Variants in FRK observed in about 807,000 individuals in gnomAD.
The protein encoded by FRK is fyn related Src family tyrosine kinase, also known as tyrosine-protein kinase FRK.
Under a neutral mutation model 56.4 loss-of-function variants are expected in FRK, and 51 were observed. The observed-to-expected ratio is 0.90, with a 90% CI of 0.72 to 1.14. FRK has a LOEUF of 1.14. FRK is among the 50% of genes most tolerant of loss of function. FRK has a pLI of 0.00. For synonymous variants in FRK, 245 were observed against 217.9 expected, an observed-to-expected ratio of 1.12 and a Z score of -1.10; for missense variants, 570 against 601.4, an observed-to-expected ratio of 0.95 and a Z score of 0.55.
chr6:115,994,922 G>C (rs1361104843), intron 2 of FRK, among the ~76,000 whole-genome samples: 1 of 152,134 alleles, frequency 6.6e-6, no homozygotes. Flanking sequence ...GCCTAGGGAA[G>C]GGCCAGATCA....
intron 2 of FRK, among the ~76,000 whole-genome samples, chr6:115,993,001 A>G (rs1774676982): frequency 6.6e-6 from 1 of 151,898 alleles, no homozygotes. Context: ...ACTCTAATAA[A>G]TAATATTGTT....
At chr6:116,094,759 A>G in the FRK span, among the ~76,000 whole-genome samples, 2 of 152,178 alleles carry the variant, frequency 1.3e-5, no homozygotes, top group African/African-American at 2.4e-5. Flanking sequence ...AAGAGACAGA[A>G]AGTCAGAGAA....
chr6:116,074,076 G>C, the FRK span, among the ~76,000 whole-genome samples: 30 of 152,182 alleles, frequency 2.0e-4, no homozygotes, highest in African/African-American at 7.2e-4. Context: ...GTGTCTCAGA[G>C]TTAGGTATTT....
Position 115,942,037 on chromosome 6 carries a change from C to A in FRK, c.*377G>T. 5.4e-6 allele frequency: 1 copy of A among 184,446 alleles called. No individual in the cohort carries two copies. Among genetic ancestry groups the A allele is most frequent in the Non-Finnish European group, 1.1e-5 (1 of 87,478 alleles). 11.4% of individuals were successfully genotyped at this position (184,446 alleles called of 1,614,324 possible). ...CAGCAATCTGAGGAATAATGAATAACCACTCTAATCAGTAAACAGGAAAAT... is the reference window on the plus strand; with the variant it reads ...CAGCAATCTGAGGAATAATGAATAAACACTCTAATCAGTAAACAGGAAAAT... On this transcript the variant is annotated 3_prime_UTR_variant, in exon 8 of 8. Transcript: ENST00000606080.
intron 2 of FRK, among the ~76,000 whole-genome samples, chr6:115,993,609 C>T (rs996285327): frequency 6.6e-6 from 1 of 151,840 alleles, no homozygotes; most frequent in Non-Finnish European, 1.5e-5. Context: ...CAAAACTATA[C>T]TTATACCCCA....
rs12110609 is a variant in FRK, at chr6:115,989,524, G to A, written c.466+14353C>T. ...TGTACCCATGGTTTAACTTCCACTT[G>A]TAAGTGAGAACATGTGATAATTGGT... is the stretch of plus-strand genomic sequence containing the variant. On this transcript the variant is annotated intron_variant, in intron 2 of 7. Transcript: ENST00000606080. Among the ~76,000 whole-genome samples the A allele has an allele frequency of 3.1e-3, 476 of 151,816 alleles. 2 individuals carry two copies. The highest frequency in any genetic ancestry group is 0.011 in the African/African-American group (445 of 41,446).
chr6:116,031,016 A>G (rs1018019286), intron 1 of FRK, among the ~76,000 whole-genome samples: 2 of 152,128 alleles, frequency 1.3e-5, no homozygotes, highest in African/African-American at 4.8e-5. Flanking sequence ...TCAGTAACTC[A>G]GATTCTTGGA....
At chr6:116,051,413 A>G (rs1242020340) in intron 1 of FRK, among the ~76,000 whole-genome samples, 1 of 152,162 alleles carries the variant, frequency 6.6e-6, no homozygotes, top group Non-Finnish European at 1.5e-5. Context: ...CAACTAAAAA[A>G]CTTTGTAGAA....
chr6:116,098,127 TA>T, the FRK span, among the ~76,000 whole-genome samples: 646 of 97,196 alleles, frequency 6.6e-3, 105 homozygotes, highest in African/African-American at 0.024. Context: ...TTTTTTTTTT[TA>T]AAAGACAGGG....
chr6:115,945,591 C>T (rs1421771019), intron 5 of FRK, among the ~76,000 whole-genome samples: 1 of 152,014 alleles, frequency 6.6e-6, no homozygotes, highest in Admixed American at 6.6e-5. Flanking sequence ...AGTCATTGAG[C>T]CTATAAAACA....
the FRK span, among the ~76,000 whole-genome samples, chr6:116,086,905 G>T: frequency 6.6e-6 from 1 of 152,188 alleles, no homozygotes; most frequent in Non-Finnish European, 1.5e-5. Context: ...GGAGAAGACT[G>T]ACATGAAAAC....
At chr6:115,991,326 A>C (rs1562274167) in intron 2 of FRK, among the ~76,000 whole-genome samples, 1 of 151,838 alleles carries the variant, frequency 6.6e-6, no homozygotes, top group African/African-American at 2.4e-5. Flanking sequence ...GAGTGGTGAG[A>C]GTGGACATCC....
the FRK span, among the ~76,000 whole-genome samples, chr6:116,078,475 G>A: frequency 1.3e-5 from 2 of 152,292 alleles, no homozygotes; most frequent in African/African-American, 4.8e-5. Context: ...AATAGCTAAT[G>A]TATGTTAAGG....
At chr6:116,030,792 G>A (rs1246141656) in intron 1 of FRK, among the ~76,000 whole-genome samples, 1 of 152,024 alleles carries the variant, frequency 6.6e-6, no homozygotes, top group African/African-American at 2.4e-5. Context: ...AGCCATTTGA[G>A]CAAACTAATC....
chr6:115,956,950 C>T (rs1010864326), intron 4 of FRK, among the ~76,000 whole-genome samples: 1 of 152,156 alleles, frequency 6.6e-6, no homozygotes, highest in Non-Finnish European at 1.5e-5. Context: ...TCTATGAACA[C>T]GAGCGCTGAA....
intron 5 of FRK, among the ~76,000 whole-genome samples, chr6:115,948,382 G>A (rs1772550693): frequency 1.3e-5 from 2 of 152,152 alleles, no homozygotes; most frequent in Admixed American, 6.5e-5. Context: ...CTTATAAGAG[G>A]ACCTGAACCA....
At chr6:115,973,044 C>T (rs1200116057) in intron 2 of FRK, among the ~76,000 whole-genome samples, 1 of 152,170 alleles carries the variant, frequency 6.6e-6, no homozygotes, top group Non-Finnish European at 1.5e-5. Context: ...TTAATGTTTT[C>T]CTTTACATTA....
In FRK at chr6:115,940,955, T is replaced by A. The variant is rs1772148801; in HGVS notation, c.*1459A>T. 6.6e-6 allele frequency: 1 copy of A among 152,216 alleles called. No individual in the cohort carries two copies. The highest frequency in any genetic ancestry group is 1.5e-5 in the Non-Finnish European group (1 of 68,042). The allele number at this position is 152,216 out of a possible 1,614,324, so 9.4% of individuals were successfully genotyped here. On this transcript the variant is annotated 3_prime_UTR_variant, in exon 8 of 8. Transcript: ENST00000606080. ...GGACAGTGTAGCAATTCCTCAAGGATCTAGAACTAGAAATACCATTTGACT... is the reference window on the plus strand; with the variant it reads ...GGACAGTGTAGCAATTCCTCAAGGAACTAGAACTAGAAATACCATTTGACT...
At chr6:115,955,899 G>A (rs966510842) in intron 5 of FRK, among the ~76,000 whole-genome samples, 1 of 152,132 alleles carries the variant, frequency 6.6e-6, no homozygotes, top group African/African-American at 2.4e-5. Flanking sequence ...AGTCTTCTCT[G>A]ACTACAGGAA....
Sources: allele counts gnomAD v4.1 joint callset (sites outside exome capture counted in the v4.1 genomes callset), GRCh38; gene constraint gnomAD v4.1.1; transcripts MANE v1.5; gene names NCBI Gene and HGNC (gene_info 2026-07-23, HGNC 2026-07-21).